The following PRKG1 variants were observed in gnomAD, a reference collection of about 807,000 sequenced individuals.
PRKG1 encodes cGMP-dependent protein kinase 1.
A neutral mutation model predicts 88.1 loss-of-function variants in PRKG1; 35 were observed. The observed-to-expected ratio is 0.40, with a 90% CI of 0.30 to 0.53. The LOEUF (loss-of-function observed/expected upper bound fraction) is 0.53. PRKG1 is among the 20% of genes least tolerant of loss of function. PRKG1 has a pLI of 0.59. For synonymous variants in PRKG1, 303 were observed against 292.5 expected (o/e 1.04, Z -0.37); for missense variants, 540 against 839.8 (o/e 0.64, Z 4.41).
chr10:52,129,576 C>A (rs76320751), intron 7 of PRKG1, among the ~76,000 whole-genome samples: 1,674 of 152,264 alleles, frequency 0.011, 22 homozygotes, highest in East Asian at 0.051. Flanking sequence ...TAGAGAGCTA[C>A]AAGCACCTTA....
rs371859032 is a variant in PRKG1 at position 51,045,474 on chromosome 10, C to T, written c.266+53830C>T. On this transcript the variant is annotated intron_variant, in intron 1 of 17. Coordinates refer to the PRKG1 transcript ENST00000401604. ...AGTAGCTGGGACTACAGGCATGTGCCACCACACCCAGCTAATTCTTTTTGT... is the reference window on the plus strand; with the variant it reads ...AGTAGCTGGGACTACAGGCATGTGCTACCACACCCAGCTAATTCTTTTTGT... Among the ~76,000 whole-genome samples, 9 of 152,232 alleles carry T rather than the reference C, an allele frequency of 5.9e-5. No homozygotes were observed. In the East Asian group the frequency reaches 1.5e-3, roughly 26 times the overall value.
chr10:51,140,374 A>G (rs1845791845), intron 1 of PRKG1, among the ~76,000 whole-genome samples: 1 of 152,164 alleles, frequency 6.6e-6, no homozygotes, highest in South Asian at 2.1e-4. Flanking sequence ...GTCATATATG[A>G]GGTACTCAAA....
At chr10:52,271,590 C>A in intron 11 of PRKG1, 101 bp downstream of exon 11, 1 of 1,209,318 alleles carries the variant, frequency 8.3e-7, no homozygotes. Context: ...ATTTCGTATG[C>A]ACAAAGAAAC....
intron 7 of PRKG1, among the ~76,000 whole-genome samples, chr10:52,119,645 G>A (rs1432469265): frequency 6.6e-6 from 1 of 152,026 alleles, no homozygotes; most frequent in Non-Finnish European, 1.5e-5. Context: ...AAAAATAAAG[G>A]AAAGACTAAT....
intron 3 of PRKG1, among the ~76,000 whole-genome samples, chr10:51,743,101 T>C (rs1010131023): frequency 3.9e-5 from 6 of 152,196 alleles, no homozygotes; most frequent in Admixed American, 2.6e-4. Flanking sequence ...GGCAGCTCTT[T>C]CTCCGGGAAA....
At chr10:51,807,748 C>A (rs891707489) in intron 4 of PRKG1, among the ~76,000 whole-genome samples, 8 of 152,086 alleles carry the variant, frequency 5.3e-5, no homozygotes, top group Admixed American at 6.6e-5. Context: ...TGACAGCTGT[C>A]AAACAGAAAA....
intron 8 of PRKG1, among the ~76,000 whole-genome samples, chr10:52,139,255 G>T (rs1391186204): frequency 6.6e-6 from 1 of 152,142 alleles, no homozygotes; most frequent in Admixed American, 6.6e-5. Flanking sequence ...CTCAATTAGA[G>T]ACAAATTGGT....
chr10:51,192,027 C>T (rs767422499), intron 2 of PRKG1, among the ~76,000 whole-genome samples: 11 of 151,692 alleles, frequency 7.3e-5, no homozygotes, highest in Non-Finnish European at 1.3e-4. Flanking sequence ...ATAAGAATTT[C>T]TCCACCTGAC....
intron 5 of PRKG1, among the ~76,000 whole-genome samples, chr10:51,911,525 G>A (rs1451141919): frequency 1.3e-5 from 2 of 152,148 alleles, no homozygotes; most frequent in Non-Finnish European, 2.9e-5. Context: ...GATTGTGTGA[G>A]CCATAGTACA....
At chr10:51,315,164 A>C (rs1170205649) in intron 2 of PRKG1, among the ~76,000 whole-genome samples, 1 of 152,136 alleles carries the variant, frequency 6.6e-6, no homozygotes, top group East Asian at 1.9e-4. Context: ...TTTTGTAATC[A>C]AAAAAACTGA....
At chr10:51,092,573 T>TATCA (rs1589146662) in intron 1 of PRKG1, among the ~76,000 whole-genome samples, 1 of 152,188 alleles carries the variant, frequency 6.6e-6, no homozygotes, top group East Asian at 1.9e-4. Context: ...CTCTGATGCC[T>TATCA]ATCAGTCCTG....
At chr10:51,994,020 A>C (rs1480870225) in intron 5 of PRKG1, among the ~76,000 whole-genome samples, 1 of 152,076 alleles carries the variant, frequency 6.6e-6, no homozygotes, top group South Asian at 2.1e-4. Context: ...TAATGCACTG[A>C]ACTATGTTCT....
intron 5 of PRKG1, among the ~76,000 whole-genome samples, chr10:51,948,590 A>G (rs780381687): frequency 2.6e-5 from 4 of 151,950 alleles, no homozygotes; most frequent in Non-Finnish European, 2.9e-5. Context: ...TTAAAAGAAT[A>G]CATATACTGT....
intron 3 of PRKG1, among the ~76,000 whole-genome samples, chr10:51,644,860 A>G (rs539474796): frequency 7.2e-5 from 11 of 152,018 alleles, no homozygotes; most frequent in Non-Finnish European, 1.5e-4. Flanking sequence ...ATCTCAGCTC[A>G]CTGAAACCTC....
intron 3 of PRKG1, among the ~76,000 whole-genome samples, chr10:51,758,063 G>A (rs944972181): frequency 3.9e-5 from 6 of 151,988 alleles, no homozygotes; most frequent in Non-Finnish European, 5.9e-5. Flanking sequence ...GTAAAGTAGC[G>A]TGCTAAGAAA....
chr10:51,613,588 T>C (rs1021878986), intron 3 of PRKG1, among the ~76,000 whole-genome samples: 1 of 151,584 alleles, frequency 6.6e-6, no homozygotes, highest in Non-Finnish European at 1.5e-5. Context: ...TTTTCTAGTT[T>C]ATTTGAAATT....
chr10:51,712,518 A>G (rs890296140), intron 3 of PRKG1, among the ~76,000 whole-genome samples: 9 of 151,074 alleles, frequency 6.0e-5, no homozygotes, highest in South Asian at 2.1e-4. Flanking sequence ...AAGATTTAAT[A>G]TATAGCAGTA....
chr10:51,705,114 A>G (rs1356863989), intron 3 of PRKG1, among the ~76,000 whole-genome samples: 1 of 150,910 alleles, frequency 6.6e-6, no homozygotes, highest in African/African-American at 2.4e-5. Context: ...GTATTTTTTC[A>G]CCTCCTAGCT....
At chr10:52,211,704 A>G (rs1271707267) in intron 9 of PRKG1, among the ~76,000 whole-genome samples, 21 of 150,822 alleles carry the variant, frequency 1.4e-4, no homozygotes, top group African/African-American at 4.1e-4. Flanking sequence ...CCTGGTAAAA[A>G]AAAAAAAAAA....
Sources: gnomAD v4.1 joint callset for allele counts (sites outside exome capture counted in the v4.1 genomes callset) on GRCh38, gnomAD v4.1.1 for gene constraint, MANE v1.5 for transcripts, NCBI Gene and HGNC (gene_info 2026-07-23, HGNC 2026-07-21) for gene names.